The following GALNT18 variants were observed in gnomAD, a reference collection of about 807,000 sequenced individuals.
The protein encoded by GALNT18 is GalNAc-transferase 18.
Under a neutral mutation model 69.5 loss-of-function variants are expected in GALNT18, and 44 were observed. The observed-to-expected ratio is 0.63, with a 90% CI of 0.50 to 0.81. GALNT18 has a LOEUF of 0.81. Ranked by LOEUF, GALNT18 falls within the 40% of genes least tolerant of loss-of-function variation. The probability of loss-of-function intolerance (pLI) is 0.00; values close to 1 mark genes in which losing one functional copy is unlikely to be tolerated. For synonymous variants in GALNT18, 364 were observed against 318.2 expected (o/e 1.14, Z -1.53); for missense variants, 715 against 810.0 (o/e 0.88, Z 1.42).
chr11:11,491,887 C>A (rs1443283949), intron 1 of GALNT18, among the ~76,000 whole-genome samples: 1 of 152,084 alleles, frequency 6.6e-6, no homozygotes, highest in Non-Finnish European at 1.5e-5. Flanking sequence ...CCAAGCAGAG[C>A]CCAAGGAACA....
chr11:11,378,408 A>G (rs1853825916), intron 4 of GALNT18, among the ~76,000 whole-genome samples: 2 of 152,186 alleles, frequency 1.3e-5, no homozygotes, highest in African/African-American at 4.8e-5. Flanking sequence ...GCAAAGTTAC[A>G]CACAGCAGGT....
intron 6 of GALNT18, among the ~76,000 whole-genome samples, chr11:11,346,036 C>T (rs1203118687): frequency 4.6e-5 from 7 of 152,232 alleles, no homozygotes; most frequent in African/African-American, 1.2e-4. Context: ...CACCTGCTAT[C>T]GCACGTCCTG....
rs1413439903 is a variant in GALNT18 at position 11,500,537 on chromosome 11, A to G, written c.236-51601T>C. ...GGGTGGATGGAGATGCGCCATGGGC[A>G]TCTCTCAGTAGAAGGCAGCAGGGAT... On this transcript the variant is annotated intron_variant, in intron 1 of 10. Coordinates refer to ENST00000227756, the MANE Select transcript of GALNT18 (RefSeq NM_198516.3). The surrounding 1 kb of genome is among the most constrained non-coding windows in gnomAD (Gnocchi z 5.0). Among the ~76,000 whole-genome samples, 2 of 152,184 alleles carry G rather than the reference A, an allele frequency of 1.3e-5. No individual in the cohort carries two copies. The highest frequency in any genetic ancestry group is 2.9e-5 in the Non-Finnish European group (2 of 68,034).
At chr11:11,281,356 G>A (rs1029840929) in intron 10 of GALNT18, among the ~76,000 whole-genome samples, 1 of 152,210 alleles carries the variant, frequency 6.6e-6, no homozygotes, top group African/African-American at 2.4e-5. Context: ...CCAGAGGACT[G>A]ATAGGAATCC....
intron 10 of GALNT18, among the ~76,000 whole-genome samples, chr11:11,275,551 T>C (rs1013620101): frequency 2.6e-5 from 4 of 152,260 alleles, no homozygotes; most frequent in African/African-American, 4.8e-5. Context: ...ATCCCATTTG[T>C]CAATTTTGGC....
chr11:11,347,217 A>G lies in GALNT18; in HGVS notation c.1093-6213T>C, dbSNP rs147132111. 7.3e-3 allele frequency among the ~76,000 whole-genome samples: 1,114 copies of G among 152,232 alleles called. 2 individuals carry two copies. The highest frequency in any genetic ancestry group is 0.011 in the Non-Finnish European group (780 of 67,998). On this transcript the variant is annotated intron_variant, in intron 6 of 10. Coordinates refer to ENST00000227756, the MANE Select transcript of GALNT18 (RefSeq NM_198516.3). This position sits in a 1 kb window ranked among gnomAD's most constrained non-coding sequence, Gnocchi z 4.0. ...TACTTTTTGTATTCTGTGATTTTGCATTTTCTAGCCAGTGCCTCAAATGAT... is the reference window on the plus strand; with the variant it reads ...TACTTTTTGTATTCTGTGATTTTGCGTTTTCTAGCCAGTGCCTCAAATGAT...
intron 10 of GALNT18, among the ~76,000 whole-genome samples, chr11:11,272,471 G>A (rs1181382673): frequency 6.6e-6 from 1 of 151,446 alleles, no homozygotes; most frequent in Non-Finnish European, 1.5e-5. Flanking sequence ...AAGCTCCTCA[G>A]TGCAGCACTG....
chr11:11,282,652 C>T (rs890217232), intron 10 of GALNT18, among the ~76,000 whole-genome samples: 1 of 152,116 alleles, frequency 6.6e-6, no homozygotes, highest in African/African-American at 2.4e-5. Context: ...GGTGGTGCCC[C>T]AATGCCTAGG....
rs1051244183 is a variant in GALNT18 at position 11,584,810 on chromosome 11, A to G, written c.235+36549T>C. ...CTATTTTCACTTAAAAGAACAACTG[A>G]TGAACAAATCATAATTATTCATACT... On this transcript the variant is annotated intron_variant, in intron 1 of 10. Transcript: ENST00000227756. This position sits in a 1 kb window ranked among gnomAD's most constrained non-coding sequence, Gnocchi z 4.1. Among the ~76,000 whole-genome samples the G allele has an allele frequency of 2.0e-5, 3 of 152,244 alleles. No individual in the cohort carries two copies. The highest frequency in any genetic ancestry group is 7.2e-5 in the African/African-American group (3 of 41,458).
At chr11:11,286,911 G>C (rs569585101) in intron 10 of GALNT18, among the ~76,000 whole-genome samples, 1 of 152,078 alleles carries the variant, frequency 6.6e-6, no homozygotes, top group African/African-American at 2.4e-5. Context: ...ATCTAACTTC[G>C]GGAGCTTAGA....
At chr11:11,609,807 T>G (rs1859851895) in intron 1 of GALNT18, among the ~76,000 whole-genome samples, 1 of 152,148 alleles carries the variant, frequency 6.6e-6, no homozygotes, top group African/African-American at 2.4e-5. Flanking sequence ...ACTCCAAATA[T>G]TCCATTCCCT....
rs1859505701 is a variant in GALNT18 at position 11,596,592 on chromosome 11, C to T, written c.235+24767G>A. Among the ~76,000 whole-genome samples, 1 of 152,018 alleles carries T rather than the reference C, an allele frequency of 6.6e-6. No homozygotes were observed. Among genetic ancestry groups the T allele is most frequent in the South Asian group, 2.1e-4 (1 of 4,826 alleles). On this transcript the variant is annotated intron_variant, in intron 1 of 10. Coordinates refer to ENST00000227756, the MANE Select transcript of GALNT18 (RefSeq NM_198516.3). The surrounding 1 kb of genome is among the most constrained non-coding windows in gnomAD (Gnocchi z 4.2). ...AGTTTCTGCACTTTTTTCTTAATTT[C>T]TTCCTAAGCATTTTATTCTTTTTGA... is the stretch of plus-strand genomic sequence containing the variant.
At position 11,586,554 on chromosome 11, in the gene GALNT18, C is replaced by G. The variant is rs1859230732; in HGVS notation, c.235+34805G>C. 6.6e-6 allele frequency among the ~76,000 whole-genome samples: 1 copy of G among 152,268 alleles called. No homozygotes were observed. The highest frequency in any genetic ancestry group is 2.1e-4 in the South Asian group (1 of 4,820). On this transcript the variant is annotated intron_variant, in intron 1 of 10. Coordinates refer to ENST00000227756, the MANE Select transcript of GALNT18 (RefSeq NM_198516.3). This position sits in a 1 kb window ranked among gnomAD's most constrained non-coding sequence, Gnocchi z 4.1. ...AAGTGAGATCTTCCCTGTTGACAGGCAGAAACCACCAGGAACCCTTTTGCT... is the reference window on the plus strand; with the variant it reads ...AAGTGAGATCTTCCCTGTTGACAGGGAGAAACCACCAGGAACCCTTTTGCT...
In GALNT18 at chr11:11,541,016, ATTAC is replaced by A. The variant is rs1306690538; in HGVS notation, c.235+80339_235+80342del. Among the ~76,000 whole-genome samples the A allele has an allele frequency of 1.3e-5, 2 of 152,224 alleles. No individual in the cohort carries two copies. Among genetic ancestry groups the A allele is most frequent in the Admixed American group, 6.5e-5 (1 of 15,294 alleles). On this transcript the variant is annotated intron_variant, in intron 1 of 10. Coordinates refer to ENST00000227756, the MANE Select transcript of GALNT18 (RefSeq NM_198516.3). The surrounding 1 kb of genome is among the most constrained non-coding windows in gnomAD (Gnocchi z 4.8). ...GGATACTTCGGAAAACAGAAATAGA[ATTAC>A]TTAAAGTGATGCTCCCTTGCTCCTG...
At chr11:11,311,899 G>T (rs1421964686) in intron 9 of GALNT18, among the ~76,000 whole-genome samples, 1 of 152,188 alleles carries the variant, frequency 6.6e-6, no homozygotes, top group Non-Finnish European at 1.5e-5. Context: ...ATTTACTGCT[G>T]ATCCTGAACA....
intron 10 of GALNT18, among the ~76,000 whole-genome samples, chr11:11,280,664 C>T (rs745943165): frequency 2.6e-5 from 4 of 152,170 alleles, no homozygotes; most frequent in Non-Finnish European, 5.9e-5. Context: ...AAACTGGTTG[C>T]CCTCCTTTGA....
At chr11:11,550,468 T>C (rs938144108) in intron 1 of GALNT18, among the ~76,000 whole-genome samples, 2 of 152,228 alleles carry the variant, frequency 1.3e-5, no homozygotes, top group African/African-American at 2.4e-5. Context: ...ACCCCCATCC[T>C]CATCCATTGT....
intron 1 of GALNT18, among the ~76,000 whole-genome samples, chr11:11,484,102 C>T (rs764406281): frequency 6.6e-6 from 1 of 152,106 alleles, no homozygotes; most frequent in Non-Finnish European, 1.5e-5. Flanking sequence ...TTATTACCTG[C>T]ATTTTACAAA....
intron 10 of GALNT18, among the ~76,000 whole-genome samples, chr11:11,287,375 T>A (rs1849213533): frequency 6.6e-6 from 1 of 152,146 alleles, no homozygotes; most frequent in Non-Finnish European, 1.5e-5. Flanking sequence ...TTACAAACCA[T>A]TCAAAGGAAT....
Sources: gnomAD v4.1 joint callset for allele counts (sites outside exome capture counted in the v4.1 genomes callset) on GRCh38, gnomAD v4.1.1 for gene constraint, Gnocchi (gnomAD v3.1) non-coding constraint, MANE v1.5 for transcripts, NCBI Gene and HGNC (gene_info 2026-07-23, HGNC 2026-07-21) for gene names.